Variants in PKP2 observed in about 807,000 individuals in gnomAD.
The protein encoded by PKP2 is plakophilin-2.
PKP2 carries 73 observed loss-of-function variants against 83.4 expected under a neutral mutation model. That is an observed-to-expected ratio of 0.88 (90% CI 0.72 to 1.06). PKP2 has a LOEUF of 1.06. PKP2 is among the 50% of genes least tolerant of loss of function. The pLI, the probability that PKP2 is intolerant of heterozygous loss-of-function variation, is 0.00. For synonymous variants in PKP2, 409 were observed against 430.4 expected (o/e 0.95, Z 0.62); for missense variants, 966 against 1,065.4 (o/e 0.91, Z 1.30).
intron 6 of PKP2, among the ~76,000 whole-genome samples, chr12:32,834,545 G>A (rs889929235): frequency 2.6e-5 from 4 of 151,982 alleles, no homozygotes; most frequent in East Asian, 1.9e-4. Context: ...ACTGCTCTTG[G>A]GGCAAGTGTT....
At chr12:32,798,148 G>A (rs980205981) in intron 10 of PKP2, among the ~76,000 whole-genome samples, 3 of 139,804 alleles carry the variant, frequency 2.1e-5, no homozygotes, top group South Asian at 2.3e-4. Context: ...GCAATGGCAC[G>A]ATCTCATCTC....
intron 4 of PKP2, among the ~76,000 whole-genome samples, chr12:32,854,288 G>A (rs573375567): frequency 7.2e-5 from 11 of 152,258 alleles, no homozygotes; most frequent in Non-Finnish European, 1.2e-4. Flanking sequence ...GCTCTAGCCC[G>A]GAAAGAGAGA....
intron 11 of PKP2, among the ~76,000 whole-genome samples, chr12:32,794,488 G>A (rs578098786): frequency 1.3e-5 from 2 of 152,130 alleles, no homozygotes; most frequent in Non-Finnish European, 2.9e-5. Context: ...TTTGAGACAG[G>A]GCATGTGAGG....
At chr12:32,830,314 T>C (rs1247144375) in intron 6 of PKP2, among the ~76,000 whole-genome samples, 1 of 152,150 alleles carries the variant, frequency 6.6e-6, no homozygotes, top group Non-Finnish European at 1.5e-5. Flanking sequence ...CAGCTTGTGG[T>C]TGCACACAAC....
chr12:32,835,210 C>T (rs1956534516), intron 6 of PKP2, among the ~76,000 whole-genome samples: 1 of 151,936 alleles, frequency 6.6e-6, no homozygotes, highest in South Asian at 2.1e-4. Flanking sequence ...CCCGCCACTA[C>T]ACCCAGCTAA....
intron 5 of PKP2, 100 bp downstream of exon 5, chr12:32,850,666 A>T (rs770792703): frequency 6.9e-6 from 6 of 875,798 alleles, no homozygotes; most frequent in Admixed American, 3.9e-5. Context: ...CAATGAGCCC[A>T]TCAATCATTT....
chr12:32,848,661 G>A (rs1956669868), intron 5 of PKP2, among the ~76,000 whole-genome samples: 1 of 152,050 alleles, frequency 6.6e-6, no homozygotes, highest in African/African-American at 2.4e-5. Flanking sequence ...GGAAAGGACG[G>A]GGGCAAGGGT....
chr12:32,811,301 G>C (rs944811366), intron 9 of PKP2, among the ~76,000 whole-genome samples: 1 of 152,226 alleles, frequency 6.6e-6, no homozygotes, highest in South Asian at 2.1e-4. Context: ...CTTAATTCTA[G>C]TAGGTGCTGT....
Position 32,868,981 on chromosome 12 carries a change from A to G in PKP2, c.1116T>C (p.Ala372=), listed in dbSNP as rs142742483. The G allele has an allele frequency of 7.6e-4, 1,232 of 1,613,996 alleles. 10 individuals carry two copies. In the African/African-American group the frequency reaches 0.014, roughly 19 times the overall value. Residue 372 remains alanine (A), a synonymous_variant, in exon 4 of 13, where the codon GCT becomes GCC. Coordinates refer to ENST00000340811, the MANE Select transcript of PKP2 (RefSeq NM_001005242.3). ...ACTCGTGCTGTATGAAAGTAGCTGC[A>G]GCAGAAATCCTGGATGGCAGCATGT... is the stretch of plus-strand genomic sequence containing the variant. ...ADHMLPSRIS[A]AATFIQHECF... is the part of the protein sequence containing the mutation.
At chr12:32,855,862 G>T (rs1301590905) in intron 4 of PKP2, among the ~76,000 whole-genome samples, 1 of 151,560 alleles carries the variant, frequency 6.6e-6, no homozygotes, top group Non-Finnish European at 1.5e-5. Flanking sequence ...TAGGGAATTT[G>T]GGAGAAGTGG....
At chr12:32,842,526 C>T (rs7300665) in intron 5 of PKP2, among the ~76,000 whole-genome samples, 13,046 of 152,092 alleles carry the variant, frequency 0.086, 582 homozygotes, top group African/African-American at 0.11. Flanking sequence ...CAGGCATGAG[C>T]CATTGCCTGG....
intron 11 of PKP2, among the ~76,000 whole-genome samples, chr12:32,793,613 CTT>C (rs35990527): frequency 2.7e-4 from 21 of 76,728 alleles, no homozygotes; most frequent in Non-Finnish European, 4.5e-4. Flanking sequence ...TCATATTCTG[CTT>C]TTTTTTTTTT....
At chr12:32,849,747 G>A (rs904565648) in intron 5 of PKP2, among the ~76,000 whole-genome samples, 19 of 152,106 alleles carry the variant, frequency 1.2e-4, no homozygotes, top group African/African-American at 4.3e-4. Context: ...GCATAAAAAG[G>A]AGACATTTGC....
At chr12:32,816,489 G>A (rs544690368) in intron 9 of PKP2, among the ~76,000 whole-genome samples, 3 of 152,186 alleles carry the variant, frequency 2.0e-5, no homozygotes, top group South Asian at 2.1e-4. Flanking sequence ...AATCCACCAC[G>A]GATGGGCACC....
In PKP2 at chr12:32,821,490, G is replaced by A. The variant is rs1956377569; in HGVS notation, c.1879C>T (p.Pro627Ser). The A allele has an allele frequency of 1.2e-6, 2 of 1,613,974 alleles. No homozygotes were observed. Among genetic ancestry groups the A allele is most frequent in the Non-Finnish European group, 1.7e-6 (2 of 1,179,996 alleles). The change falls in exon 9 of 13, where the codon CCC (proline) becomes TCC (serine). Residue 627 changes from proline to serine, a missense_variant. Coordinates refer to ENST00000340811, the MANE Select transcript of PKP2 (RefSeq NM_001005242.3). ...TGCCACAGCCACTCCACGCCCTTGG[G>A]GTTGCTCTTTTCCTCCGGCATCGGC... is the stretch of plus-strand genomic sequence containing the variant. The part of the protein sequence containing the change: ...DVPMPEEKSN[P>S]KGVEWLWHSI...
chr12:32,877,803 T>A (rs768868684), intron 3 of PKP2, 43 bp downstream of exon 3: 3 of 1,388,582 alleles, frequency 2.2e-6, no homozygotes, highest in Non-Finnish European at 3.1e-6. Context: ...GGGAACAGAA[T>A]GTGCTGGCAA....
At chr12:32,883,466 TAAG>T in intron 1 of PKP2, among the ~76,000 whole-genome samples, 1 of 152,326 alleles carries the variant, frequency 6.6e-6, no homozygotes, top group African/African-American at 2.4e-5. Context: ...GTTCAGAGAA[TAAG>T]ATGATATCGT....
intron 6 of PKP2, among the ~76,000 whole-genome samples, chr12:32,826,991 T>G (rs568109245): frequency 2.6e-5 from 4 of 152,340 alleles, no homozygotes; most frequent in African/African-American, 9.6e-5. Context: ...AACTACATGA[T>G]GTTATCATAT....
chr12:32,795,064 T>C (rs1194716285), intron 11 of PKP2, among the ~76,000 whole-genome samples: 1 of 152,234 alleles, frequency 6.6e-6, no homozygotes, highest in East Asian at 1.9e-4. Flanking sequence ...TATCTATTTG[T>C]AATAAGTCAA....
Sources: allele counts gnomAD v4.1 joint callset (sites outside exome capture counted in the v4.1 genomes callset), GRCh38; gene constraint gnomAD v4.1.1; transcripts MANE v1.5; gene names NCBI Gene and HGNC (gene_info 2026-07-23, HGNC 2026-07-21).